Variants in SLC13A1 observed in about 807,000 individuals in gnomAD.
SLC13A1 encodes solute carrier family 13 member 1.
In SLC13A1, 65 loss-of-function variants were observed where a neutral mutation model predicts 70.0. The ratio of observed to expected loss-of-function variants is 0.93; its 90% CI spans 0.76 to 1.14. SLC13A1 has a LOEUF of 1.14. Among genes scored for constraint, SLC13A1 ranks in the 50% most tolerant of loss-of-function variants. The pLI is 0.00. For missense variants in SLC13A1, 726 were observed against 717.8 expected (o/e 1.01, Z -0.13); for synonymous variants, 275 against 250.5 (o/e 1.10, Z -0.92).
chr7:123,131,508 G>A (rs956670515), intron 8 of SLC13A1, among the ~76,000 whole-genome samples: 1 of 152,166 alleles, frequency 6.6e-6, no homozygotes. Context: ...CTATGACAAT[G>A]CATCAAACTC....
chr7:123,146,956 T>C (rs1413561973), intron 7 of SLC13A1, among the ~76,000 whole-genome samples: 1 of 152,204 alleles, frequency 6.6e-6, no homozygotes, highest in Non-Finnish European at 1.5e-5. Flanking sequence ...GGGAAATCTG[T>C]TGGCACAAGT....
rs894112099 is a variant in SLC13A1 at position 123,170,622 on chromosome 7, T to G, written c.365+1146A>C. On this transcript the variant is annotated intron_variant, in intron 3 of 14. Coordinates refer to ENST00000194130, the MANE Select transcript of SLC13A1 (RefSeq NM_022444.4). ...AGTCAGATGACGTCGTTTTGGTTTT[T>G]TTTGTTTGTTTGTTTGTTTGTTTTG... Among the ~76,000 whole-genome samples, 7 of 151,014 alleles carry G rather than the reference T, an allele frequency of 4.6e-5. No individual in the cohort carries two copies. In the South Asian group the frequency reaches 8.4e-4, roughly 18 times the overall value.
intron 7 of SLC13A1, among the ~76,000 whole-genome samples, chr7:123,135,626 C>A (rs1793925492): frequency 6.6e-6 from 1 of 151,966 alleles, no homozygotes; most frequent in African/African-American, 2.4e-5. Context: ...TAAAATATTT[C>A]ATGTTATATC....
At chr7:123,127,462 A>G (rs1793599598) in intron 10 of SLC13A1, among the ~76,000 whole-genome samples, 1 of 152,134 alleles carries the variant, frequency 6.6e-6, no homozygotes, top group Non-Finnish European at 1.5e-5. Context: ...GTCTAGGATG[A>G]CAGAAGTTGG....
chr7:123,145,318 G>A (rs1794313424), intron 7 of SLC13A1, among the ~76,000 whole-genome samples: 1 of 152,068 alleles, frequency 6.6e-6, no homozygotes, highest in African/African-American at 2.4e-5. Context: ...CTGAATTGAG[G>A]TCTAAGTCCA....
chr7:123,171,107 G>A (rs935829901), intron 3 of SLC13A1, among the ~76,000 whole-genome samples: 4 of 152,084 alleles, frequency 2.6e-5, no homozygotes, highest in African/African-American at 9.7e-5. Flanking sequence ...AGGCTTTAAC[G>A]CAAAATGCCA....
intron 1 of SLC13A1, among the ~76,000 whole-genome samples, chr7:123,185,171 T>G: frequency 6.6e-6 from 1 of 152,148 alleles, no homozygotes; most frequent in East Asian, 1.9e-4. Context: ...ATTCCTTATG[T>G]ATTTTTGATA....
rs566539275 is a variant in SLC13A1 at position 123,133,531 on chromosome 7, T to A, written c.932+879A>T. Among the ~76,000 whole-genome samples, 7 of 152,128 alleles carry A rather than the reference T, an allele frequency of 4.6e-5. 1 individual carries two copies. In the South Asian group the frequency reaches 1.5e-3, roughly 32 times the overall value. Reference sequence around the variant, plus strand: ...AGATTATTTGTTTTCTAATCTTTATTTTTATTTATTTATTTATTTATTTGA... The same window carrying A: ...AGATTATTTGTTTTCTAATCTTTATATTTATTTATTTATTTATTTATTTGA... On this transcript the variant is annotated intron_variant, in intron 8 of 14. Transcript: ENST00000194130.
At chr7:123,167,473 T>C (rs1795114252) in intron 6 of SLC13A1, among the ~76,000 whole-genome samples, 2 of 152,194 alleles carry the variant, frequency 1.3e-5, no homozygotes, top group Admixed American at 1.3e-4. Context: ...GGTTTTCTTT[T>C]TCCTATTGAA....
At chr7:123,185,264 TGAA>T (rs1367436396) in intron 1 of SLC13A1, among the ~76,000 whole-genome samples, 1 of 152,118 alleles carries the variant, frequency 6.6e-6, no homozygotes, top group Non-Finnish European at 1.5e-5. Context: ...TTGTTTGCAG[TGAA>T]GAAGTTTTAT....
chr7:123,134,430 C>T lies in SLC13A1; in HGVS notation c.912G>A (p.Gln304=), dbSNP rs1172328053. 1 of 1,613,106 alleles carries T rather than the reference C, an allele frequency of 6.2e-7. No homozygotes were observed. The highest frequency in any genetic ancestry group is 1.3e-5 in the African/African-American group (1 of 74,866). ...IILLLSWIWL[Q]WLFLGFNFKE... ...CTTACTTGAATCCTAGGAAAAGCCA[C>T]TGAAGCCAGATCCAGGATAAGAGTA... Residue 304 remains glutamine, a synonymous_variant, in exon 8 of 15, where the codon CAG becomes CAA. Transcript: ENST00000194130.
intron 6 of SLC13A1, among the ~76,000 whole-genome samples, chr7:123,155,834 G>T (rs1478111904): frequency 6.6e-6 from 1 of 152,104 alleles, no homozygotes; most frequent in East Asian, 1.9e-4. Context: ...TCCTGGACCA[G>T]TGTAGGTAGA....
intron 2 of SLC13A1, among the ~76,000 whole-genome samples, chr7:123,173,948 G>A (rs541770109): frequency 6.8e-6 from 1 of 148,120 alleles, no homozygotes; most frequent in South Asian, 2.1e-4. Context: ...TAATTTGCCA[G>A]TGCTTCCAGA....
At position 123,119,163 on chromosome 7, in the gene SLC13A1, G is replaced by A; in HGVS notation, c.1430C>T (p.Ser477Phe). The A allele has an allele frequency of 6.2e-7, 1 of 1,612,516 alleles. No homozygotes were observed. Among genetic ancestry groups the A allele is most frequent in the Non-Finnish European group, 8.5e-7 (1 of 1,178,950 alleles). ...AGTTAAAGATGTCACCATCAAAGAA[G>A]ATATCAGAATTATTAGCCATGCTGG... ...SLPAWLIILISSLMVTSLTEV... is the reference protein window; with the variant it reads ...SLPAWLIILIFSLMVTSLTEV... Residue 477 changes from serine to phenylalanine, a missense_variant, in exon 13 of 15, where the codon TCT (serine) becomes TTT (phenylalanine). Physicochemically the swap from Ser to Phe is radical, Grantham distance 155. Transcript: ENST00000194130.
chr7:123,162,685 C>A (rs544162061), intron 6 of SLC13A1, among the ~76,000 whole-genome samples: 3 of 151,990 alleles, frequency 2.0e-5, no homozygotes, highest in Non-Finnish European at 4.4e-5. Context: ...GAATTAATAT[C>A]TCCTTATTTG....
At position 123,184,138 on chromosome 7, in the gene SLC13A1, A is replaced by AT. The variant is rs960386705; in HGVS notation, c.100-3038dup. Among the ~76,000 whole-genome samples, 7 of 151,948 alleles carry AT rather than the reference A, an allele frequency of 4.6e-5. No individual in the cohort carries two copies. The South Asian group carries it at 1.0e-3, about 23-fold the overall frequency. On this transcript the variant is annotated intron_variant, in intron 1 of 14. Transcript: ENST00000194130. ...CTCTGAATGCTATTTTTTTATCCTT[A>AT]TTTTTTTAATTGACATGTAAAATTG...
Position 123,169,240 on chromosome 7 carries a change from A to C in SLC13A1, c.461T>G (p.Val154Gly). 6.2e-7 allele frequency: 1 copy of C among 1,614,066 alleles called. No individual in the cohort carries two copies. Among genetic ancestry groups the C allele is most frequent in the Non-Finnish European group, 8.5e-7 (1 of 1,179,986 alleles). The change falls in exon 4 of 15, where the codon GTA becomes GGA. Residue 154 changes from valine (V) to glycine (G), a missense_variant. By Grantham distance (109) the Val-to-Gly change is moderately radical. Coordinates refer to ENST00000194130, the MANE Select transcript of SLC13A1 (RefSeq NM_022444.4). ...AAMVMPIAEA[V>G]VQQIINAEAE... The stretch of plus-strand genomic sequence containing the variant: ...TTCTGCATTGATGATCTGCTGCACT[A>C]CAGCCTCCGCAATGGGCATCACCAT...
chr7:123,129,014 G>T, intron 9 of SLC13A1, 68 bp from the exon 10 acceptor site: 1 of 1,028,178 alleles, frequency 9.7e-7, no homozygotes, highest in Non-Finnish European at 1.5e-6. Flanking sequence ...AACTCCTTGA[G>T]CTATTGTCAG....
At chr7:123,148,369 G>T in intron 6 of SLC13A1, 1 of 347,110 alleles carries the variant, frequency 2.9e-6, no homozygotes, top group Non-Finnish European at 5.7e-6. Flanking sequence ...ACGATTTTCA[G>T]TTCTCCACCT....
Sources: allele counts gnomAD v4.1 joint callset (sites outside exome capture counted in the v4.1 genomes callset), GRCh38; gene constraint gnomAD v4.1.1; transcripts MANE v1.5; gene names NCBI Gene and HGNC (gene_info 2026-07-23, HGNC 2026-07-21).